CAMTA1: variants seen among roughly 807,000 people sequenced by gnomAD.
CAMTA1 encodes calmodulin-binding transcription activator 1.
CAMTA1 carries 27 observed loss-of-function variants against 170.9 expected under a neutral mutation model. The ratio of observed to expected loss-of-function variants is 0.16; its 90% CI spans 0.12 to 0.22. The LOEUF is 0.22. Ranked by LOEUF, CAMTA1 falls within the 10% of genes least tolerant of loss-of-function variation. CAMTA1 has a pLI of 1.00. For synonymous variants in CAMTA1, 833 were observed against 891.5 expected (o/e 0.93, Z 1.17); for missense variants, 1,619 against 2,217.2 (o/e 0.73, Z 5.42).
chr1:7,730,155 T>C (rs2096720760), intron 11 of CAMTA1, among the ~76,000 whole-genome samples: 1 of 152,246 alleles, frequency 6.6e-6, no homozygotes, highest in South Asian at 2.1e-4. Context: ...GTGTAACTAC[T>C]GTCCCCATTT....
intron 5 of CAMTA1, among the ~76,000 whole-genome samples, chr1:7,416,512 A>G (rs1043148011): frequency 2.0e-5 from 3 of 151,736 alleles, no homozygotes; most frequent in Non-Finnish European, 4.4e-5. Flanking sequence ...CATTCATTTG[A>G]TCTTCCATCA....
intron 5 of CAMTA1, among the ~76,000 whole-genome samples, chr1:7,372,905 G>A (rs2086584223): frequency 6.6e-6 from 1 of 152,212 alleles, no homozygotes; most frequent in Non-Finnish European, 1.5e-5. Flanking sequence ...CCCTGGTGGA[G>A]CAAAGGGGCC....
chr1:7,018,676 G>A (rs1700920521), intron 3 of CAMTA1, among the ~76,000 whole-genome samples: 2 of 152,178 alleles, frequency 1.3e-5, no homozygotes, highest in South Asian at 4.1e-4. Flanking sequence ...ACCGGAATCA[G>A]CACCGCTCTC....
At chr1:7,644,312 A>G (rs2095788690) in intron 7 of CAMTA1, among the ~76,000 whole-genome samples, 1 of 152,204 alleles carries the variant, frequency 6.6e-6, no homozygotes. Context: ...CAGATGAAAA[A>G]AAACACACAC....
chr1:7,559,622 G>A (rs72643919), intron 6 of CAMTA1, among the ~76,000 whole-genome samples: 4,657 of 152,292 alleles, frequency 0.031, 113 homozygotes, highest in Non-Finnish European at 0.042. Flanking sequence ...GGAGGGGTCT[G>A]CACTGGAGGA....
intron 3 of CAMTA1, among the ~76,000 whole-genome samples, chr1:6,825,937 C>A (rs965819536): frequency 3.3e-5 from 5 of 152,122 alleles, no homozygotes; most frequent in African/African-American, 9.7e-5. Flanking sequence ...GGGTATACGT[C>A]CATCAATTTG....
rs373244143 is a variant in CAMTA1 at position 7,470,228 on chromosome 1, C to T, written c.510+2327C>T. ...GGGTTCCTGCTCCCCCAGGTCTGTG[C>T]GGGGCAACAGCAGGTTAAGGAGCTA... On this transcript the variant is annotated intron_variant, in intron 6 of 22. Transcript: ENST00000303635. 9.2e-5 allele frequency among the ~76,000 whole-genome samples: 14 copies of T among 152,308 alleles called. No homozygotes were observed. The South Asian group carries it at 1.2e-3, about 14-fold the overall frequency.
At chr1:7,106,906 A>G (rs972914734) in intron 4 of CAMTA1, among the ~76,000 whole-genome samples, 7 of 151,932 alleles carry the variant, frequency 4.6e-5, no homozygotes, top group Non-Finnish European at 7.4e-5. Context: ...GGCTTGAGAT[A>G]GTGGTCTTGT....
At chr1:7,508,468 AG>A (rs58357592) in intron 6 of CAMTA1, among the ~76,000 whole-genome samples, 4,086 of 152,298 alleles carry the variant, frequency 0.027, 172 homozygotes, top group African/African-American at 0.093. Context: ...CTAGCAAAGC[AG>A]GGGGCGGACT....
intron 3 of CAMTA1, among the ~76,000 whole-genome samples, chr1:6,963,283 C>CCCCCCG: frequency 1.5e-5 from 1 of 66,396 alleles, no homozygotes; most frequent in African/African-American, 4.7e-5. Context: ...CCCCCCCCCC[C>CCCCCCG]CCCCGCTTTC....
intron 3 of CAMTA1, among the ~76,000 whole-genome samples, chr1:6,950,273 C>A (rs2149471704): frequency 6.6e-6 from 1 of 152,310 alleles, no homozygotes; most frequent in South Asian, 2.1e-4. Context: ...GTCTGGGGCC[C>A]ATGGAGGCTG....
intron 3 of CAMTA1, among the ~76,000 whole-genome samples, chr1:6,850,623 A>C (rs916538757): frequency 3.3e-5 from 5 of 152,228 alleles, no homozygotes; most frequent in African/African-American, 1.2e-4. Flanking sequence ...GAGTTAACAA[A>C]ATAGTGAAGA....
chr1:6,988,817 A>G (rs577702773), intron 3 of CAMTA1, among the ~76,000 whole-genome samples: 30 of 152,304 alleles, frequency 2.0e-4, no homozygotes, highest in African/African-American at 6.5e-4. Flanking sequence ...ATGGTATCGT[A>G]AAGAGTTTAA....
intron 3 of CAMTA1, among the ~76,000 whole-genome samples, chr1:6,911,850 A>G (rs184959461): frequency 4.0e-4 from 61 of 152,322 alleles, no homozygotes; most frequent in Admixed American, 1.2e-3. Context: ...GCCCTGCATC[A>G]AGCATATTCC....
chr1:7,470,997 A>G (rs1264616259), intron 6 of CAMTA1, among the ~76,000 whole-genome samples: 2 of 152,172 alleles, frequency 1.3e-5, no homozygotes, highest in Admixed American at 1.3e-4. Flanking sequence ...TGGGAGAGCC[A>G]TGTTCTGCTG....
At chr1:7,753,784 C>T (rs2096913730) in intron 21 of CAMTA1, among the ~76,000 whole-genome samples, 1 of 152,160 alleles carries the variant, frequency 6.6e-6, no homozygotes, top group South Asian at 2.1e-4. Context: ...GTTCACTCGC[C>T]CTGTGCCTCA....
At position 7,050,382 on chromosome 1, in the gene CAMTA1, C is replaced by A. The variant is rs1358648912; in HGVS notation, c.235-40922C>A. 1.3e-5 allele frequency among the ~76,000 whole-genome samples: 2 copies of A among 152,086 alleles called. No individual in the cohort carries two copies. The highest frequency in any genetic ancestry group is 2.9e-5 in the Non-Finnish European group (2 of 67,990). ...CTGCTCCGGGGCCAGGGCGGAGAAGCCTGAAGCTGAGTCCCTGGGGTGCAG... is the reference window on the plus strand; with the variant it reads ...CTGCTCCGGGGCCAGGGCGGAGAAGACTGAAGCTGAGTCCCTGGGGTGCAG... On this transcript the variant is annotated intron_variant, in intron 3 of 22. Coordinates refer to ENST00000303635, the MANE Select transcript of CAMTA1 (RefSeq NM_015215.4). This position sits in a 1 kb window ranked among gnomAD's most constrained non-coding sequence, Gnocchi z 4.8.
chr1:7,004,140 C>T (rs1174288829), intron 3 of CAMTA1, among the ~76,000 whole-genome samples: 1 of 152,132 alleles, frequency 6.6e-6, no homozygotes, highest in African/African-American at 2.4e-5. Context: ...AGGTGGATCA[C>T]CTTATAAACG....
rs540315034 is a variant in CAMTA1 at position 7,764,965 on chromosome 1, A to C, written c.4990-1494A>C. ...ACAGAGTTAGACTCCGTCTCAAAAA[A>C]AAAAAAAAGTTTTACTTTACTGGTA... On this transcript the variant is annotated intron_variant, in intron 22 of 22. Transcript: ENST00000303635. Among the ~76,000 whole-genome samples, 7 of 152,260 alleles carry C rather than the reference A, an allele frequency of 4.6e-5. No individual in the cohort carries two copies. In the East Asian group the frequency reaches 1.2e-3, roughly 25 times the overall value.
Sources: gnomAD v4.1 joint callset for allele counts (sites outside exome capture counted in the v4.1 genomes callset) on GRCh38, gnomAD v4.1.1 for gene constraint, Gnocchi (gnomAD v3.1) non-coding constraint, MANE v1.5 for transcripts, NCBI Gene and HGNC (gene_info 2026-07-23, HGNC 2026-07-21) for gene names.